Variants in CSMD1 observed in about 807,000 individuals in gnomAD.
CSMD1 encodes CUB and Sushi multiple domains 1.
Under a neutral mutation model 417.5 loss-of-function variants are expected in CSMD1, and 213 were observed. The ratio of observed to expected loss-of-function variants is 0.51; its 90% confidence interval spans 0.46 to 0.57. The LOEUF (loss-of-function observed/expected upper bound fraction) is 0.57. Among genes scored for constraint, CSMD1 ranks in the 20% least tolerant of loss-of-function variants. The pLI, the probability that CSMD1 is intolerant of heterozygous loss-of-function variation, is 0.00. For missense variants in CSMD1, 6,923 were observed against 4,529.7 expected (o/e 1.53, Z -15.17); for synonymous variants, 2,862 against 1,736.8 (o/e 1.65, Z -16.11).
intron 1 of CSMD1, among the ~76,000 whole-genome samples, chr8:4,869,209 A>C (rs1216031454): frequency 6.6e-6 from 1 of 151,972 alleles, no homozygotes; most frequent in Non-Finnish European, 1.5e-5. Flanking sequence ...ATAATTTAGA[A>C]CTGTATTTTC....
intron 5 of CSMD1, among the ~76,000 whole-genome samples, chr8:3,961,457 A>G (rs1812314548): frequency 6.6e-6 from 1 of 152,182 alleles, no homozygotes. Flanking sequence ...ACAGATTTAA[A>G]TTAAAAATGA....
chr8:4,189,714 G>T (rs534917292), intron 3 of CSMD1, among the ~76,000 whole-genome samples: 2 of 152,162 alleles, frequency 1.3e-5, no homozygotes, highest in South Asian at 4.1e-4. Flanking sequence ...TTTTTCATTT[G>T]TATTCTAATT....
At chr8:3,326,971 G>C (rs773406605) in intron 23 of CSMD1, among the ~76,000 whole-genome samples, 2 of 151,664 alleles carry the variant, frequency 1.3e-5, no homozygotes, top group African/African-American at 2.4e-5. Context: ...GAGCCCAGGA[G>C]CTCAAGACCT....
chr8:4,542,461 T>G (rs1001749813), intron 2 of CSMD1, among the ~76,000 whole-genome samples: 2 of 152,246 alleles, frequency 1.3e-5, no homozygotes, highest in African/African-American at 4.8e-5. Flanking sequence ...AACAATGGGA[T>G]ATTTGAATAG....
intron 3 of CSMD1, among the ~76,000 whole-genome samples, chr8:4,413,552 T>G (rs370518568): frequency 6.6e-6 from 1 of 152,180 alleles, no homozygotes; most frequent in Non-Finnish European, 1.5e-5. Flanking sequence ...CAGCACTAAT[T>G]CTTTTAAAAA....
chr8:4,951,313 G>C (rs1262295748), intron 1 of CSMD1, among the ~76,000 whole-genome samples: 3 of 152,006 alleles, frequency 2.0e-5, no homozygotes, highest in East Asian at 1.9e-4. Context: ...TTGAACTGCG[G>C]ACTTCACAAA....
chr8:3,686,389 G>A (rs573047603), intron 7 of CSMD1, among the ~76,000 whole-genome samples: 189 of 152,212 alleles, frequency 1.2e-3, no homozygotes, highest in Non-Finnish European at 2.2e-3. Context: ...CCACACTGAC[G>A]ATGAGAGTTG....
chr8:4,387,834 G>A (rs1803558253), intron 3 of CSMD1, among the ~76,000 whole-genome samples: 2 of 151,978 alleles, frequency 1.3e-5, no homozygotes, highest in Non-Finnish European at 2.9e-5. Flanking sequence ...TCTTTTCATA[G>A]CCACAAATGA....
chr8:3,591,770 G>A (rs1280731263), intron 8 of CSMD1, among the ~76,000 whole-genome samples: 1 of 150,900 alleles, frequency 6.6e-6, no homozygotes, highest in Admixed American at 6.6e-5. Context: ...GATAGACAAA[G>A]AGATGGATGG....
At chr8:3,975,862 T>C (rs889991282) in intron 5 of CSMD1, among the ~76,000 whole-genome samples, 4 of 152,244 alleles carry the variant, frequency 2.6e-5, no homozygotes, top group Non-Finnish European at 5.9e-5. Flanking sequence ...TTGTCCTTCA[T>C]TTTTCCACAA....
chr8:4,241,409 C>G (rs1414776825), intron 3 of CSMD1, among the ~76,000 whole-genome samples: 1 of 152,204 alleles, frequency 6.6e-6, no homozygotes, highest in African/African-American at 2.4e-5. Context: ...TTGCTAACCC[C>G]ATGTTAAACT....
At position 3,509,469 on chromosome 8, in the gene CSMD1, G is replaced by C. The variant is rs144240600; in HGVS notation, c.1345-15743C>G. Among the ~76,000 whole-genome samples the C allele has an allele frequency of 7.7e-3, 1,177 of 152,272 alleles. 20 individuals are homozygous for C. The highest frequency in any genetic ancestry group is 0.027 in the African/African-American group (1,119 of 41,548). ...TCTATAGGCAAGGAGTCTTGCACAA[G>C]TCGTTGAACTATTTTTCATTTCAGC... On this transcript the variant is annotated intron_variant, in intron 10 of 69. Transcript: ENST00000635120.
chr8:3,349,251 C>G (rs1808229663), intron 21 of CSMD1, among the ~76,000 whole-genome samples: 1 of 152,184 alleles, frequency 6.6e-6, no homozygotes, highest in African/African-American at 2.4e-5. Flanking sequence ...ATGACTTCTG[C>G]ATGCCCACTG....
intron 7 of CSMD1, among the ~76,000 whole-genome samples, chr8:3,630,580 T>A (rs1465142739): frequency 6.6e-6 from 1 of 152,150 alleles, no homozygotes; most frequent in Non-Finnish European, 1.5e-5. Context: ...AGGAGGATGT[T>A]GAAGTCATTC....
At chr8:4,147,796 G>A (rs964417113) in intron 3 of CSMD1, among the ~76,000 whole-genome samples, 3 of 152,038 alleles carry the variant, frequency 2.0e-5, no homozygotes, top group East Asian at 3.9e-4. Flanking sequence ...GACCCAATGT[G>A]CCGACTCCAA....
intron 2 of CSMD1, among the ~76,000 whole-genome samples, chr8:4,604,413 G>A (rs113429051): frequency 0.082 from 12,361 of 151,194 alleles, 677 homozygotes; most frequent in South Asian, 0.14. Flanking sequence ...GTGTGTGTGC[G>A]CGTGCGTAAA....
At position 4,666,736 on chromosome 8, in the gene CSMD1, T is replaced by C. The variant is rs1045020396; in HGVS notation, c.86-29178A>G. 2.6e-5 allele frequency among the ~76,000 whole-genome samples: 4 copies of C among 152,204 alleles called. No individual in the cohort carries two copies. The South Asian group carries it at 8.3e-4, about 31-fold the overall frequency. On this transcript the variant is annotated intron_variant, in intron 1 of 69. Transcript: ENST00000635120. ...TTTTCTTACTGAGATTTGAGAGTTC[T>C]TCATACAGTCAAGTCCTTCATCAGA... is the stretch of plus-strand genomic sequence containing the variant.
intron 46 of CSMD1, among the ~76,000 whole-genome samples, chr8:3,101,125 A>T (rs1815705055): frequency 1.3e-5 from 2 of 151,106 alleles, no homozygotes; most frequent in South Asian, 4.2e-4. Flanking sequence ...GGTCCACAGG[A>T]TGAAGAAACC....
In CSMD1 at chr8:3,040,613, G is replaced by C. The variant is rs1585208420; in HGVS notation, c.7661-11100C>G. ...AGGTCAGGAGTTCAGGACCAGCCTG[G>C]CCAACATGATGAAACCCCGTCTCTA... On this transcript the variant is annotated intron_variant, in intron 50 of 69. Transcript: ENST00000635120. 2.0e-5 allele frequency among the ~76,000 whole-genome samples: 3 copies of C among 151,762 alleles called. No homozygotes were observed. The South Asian group carries it at 6.2e-4, about 32-fold the overall frequency.
Sources: gnomAD v4.1 joint callset for allele counts (sites outside exome capture counted in the v4.1 genomes callset) on GRCh38, gnomAD v4.1.1 for gene constraint, MANE v1.5 for transcripts, NCBI Gene and HGNC (gene_info 2026-07-23, HGNC 2026-07-21) for gene names.